DNAH7: variants seen among roughly 807,000 people sequenced by gnomAD.
The protein encoded by DNAH7 is axonemal beta dynein heavy chain 7.
Under a neutral mutation model 444.6 loss-of-function variants are expected in DNAH7, and 397 were observed. The observed-to-expected ratio is 0.89, with a 90% confidence interval of 0.82 to 0.97. The LOEUF (loss-of-function observed/expected upper bound fraction) is 0.97, where lower values mean the gene tolerates loss of function less well. Among genes scored for constraint, DNAH7 ranks in the 50% least tolerant of loss-of-function variants. The probability of loss-of-function intolerance (pLI) is 0.00; values close to 1 mark genes in which losing one functional copy is unlikely to be tolerated. For missense variants in DNAH7, 4,902 were observed against 4,800.8 expected (o/e 1.02, Z -0.62); for synonymous variants, 1,636 against 1,624.4 (o/e 1.01, Z -0.17).
intron 64 of DNAH7, among the ~76,000 whole-genome samples, chr2:195,739,822 G>A (rs556195494): frequency 2.6e-5 from 4 of 152,290 alleles, no homozygotes; most frequent in East Asian, 1.9e-4. Context: ...TTCCCAGCTC[G>A]GGTTGAACCA....
chr2:195,879,254 T>C (rs1300564015), intron 36 of DNAH7, among the ~76,000 whole-genome samples: 2 of 152,100 alleles, frequency 1.3e-5, no homozygotes, highest in Non-Finnish European at 2.9e-5. Flanking sequence ...TGAGTCTAAA[T>C]GATCAGAAAT....
At chr2:195,974,136 C>A (rs1269253521) in intron 15 of DNAH7, among the ~76,000 whole-genome samples, 1 of 152,000 alleles carries the variant, frequency 6.6e-6, no homozygotes, top group Non-Finnish European at 1.5e-5. Context: ...ATAATGAAGA[C>A]CTAACAATGT....
In DNAH7 at chr2:195,816,767, T is replaced by C; in HGVS notation, c.9622A>G (p.Ile3208Val). 6.2e-7 allele frequency: 1 copy of C among 1,614,192 alleles called. No individual in the cohort carries two copies. The highest frequency in any genetic ancestry group is 8.5e-7 in the Non-Finnish European group (1 of 1,180,010). The change falls in exon 51 of 65, where the codon ATC (isoleucine) becomes GTC (valine). Residue 3208 changes from isoleucine to valine, a missense_variant. Physicochemically the swap from Ile to Val is conservative, Grantham distance 29. Coordinates refer to ENST00000312428, the MANE Select transcript of DNAH7 (RefSeq NM_018897.3). ...GAAAAAAATAGGATGGAAGAATGGA[T>C]GGCAATAGGACGATAGCCCATGCGG... ...TTRMGYRPIA[I>V]HSSILFFSLA...
chr2:195,875,948 T>A, intron 37 of DNAH7, 105 bp from the exon 38 acceptor site: 1 of 1,053,922 alleles, frequency 9.5e-7, no homozygotes, highest in Non-Finnish European at 1.3e-6. Flanking sequence ...ATTTGCAGAG[T>A]ACATATGAGG....
At chr2:195,766,813 T>C (rs1330901259) in intron 61 of DNAH7, among the ~76,000 whole-genome samples, 4 of 152,162 alleles carry the variant, frequency 2.6e-5, no homozygotes, top group African/African-American at 9.7e-5. Context: ...AATATATACA[T>C]CTACTATATA....
In DNAH7 at chr2:196,000,723, G is replaced by A; in HGVS notation, c.1334C>T (p.Thr445Ile). 4.4e-6 allele frequency: 7 copies of A among 1,574,266 alleles called. No individual in the cohort carries two copies. The highest frequency in any genetic ancestry group is 6.0e-6 in the Non-Finnish European group (7 of 1,160,814). ...KAVSFVPRVETKLYSKWESKS... is the reference protein window; with the variant it reads ...KAVSFVPRVEIKLYSKWESKS... ...ACTTACCCACTTGGAATACAATTTT[G>A]TCTCAACTCTTGGCACAAAACTGAC... The change falls in exon 12 of 65, where the codon ACA becomes ATA. Residue 445 changes from threonine (T) to isoleucine (I), a missense_variant. Thr to Ile is a moderately conservative substitution (Grantham distance 89). Coordinates refer to ENST00000312428, the MANE Select transcript of DNAH7 (RefSeq NM_018897.3).
chr2:195,886,222 T>C lies in DNAH7; in HGVS notation c.5457A>G (p.Leu1819=), dbSNP rs763355791. 5.0e-6 allele frequency: 8 copies of C among 1,613,778 alleles called. No individual in the cohort carries two copies. In the South Asian group the frequency reaches 6.6e-5, roughly 13 times the overall value. The change falls in exon 34 of 65, where the codon CTA becomes CTG. Residue 1819 remains leucine, a synonymous_variant. Transcript: ENST00000312428. ...DTNLVRSLMN[L]IDCFMDDFAD... ...CAAAATCATCCATAAAACAGTCTAT[T>C]AGATTCATTAAGGACCGGACCAAGT...
chr2:195,974,065 A>C (rs911395843), intron 15 of DNAH7, among the ~76,000 whole-genome samples: 2 of 152,100 alleles, frequency 1.3e-5, no homozygotes, highest in African/African-American at 4.8e-5. Flanking sequence ...TGACAGAATG[A>C]GACTCCATTT....
intron 19 of DNAH7, among the ~76,000 whole-genome samples, chr2:195,956,121 C>T (rs1366218050): frequency 6.6e-6 from 1 of 152,070 alleles, no homozygotes; most frequent in East Asian, 1.9e-4. Flanking sequence ...GACGTCAATA[C>T]AGTATTATCA....
chr2:195,797,747 C>T (rs1006521085), intron 55 of DNAH7, among the ~76,000 whole-genome samples: 2 of 152,198 alleles, frequency 1.3e-5, no homozygotes, highest in African/African-American at 2.4e-5. Context: ...CTAGGATGAA[C>T]TTTATAAATT....
At chr2:195,830,346 T>G (rs967411933) in intron 48 of DNAH7, among the ~76,000 whole-genome samples, 6 of 152,226 alleles carry the variant, frequency 3.9e-5, no homozygotes, top group African/African-American at 9.6e-5. Context: ...GAATTAAATG[T>G]TCTTTTCAAA....
At chr2:195,837,362 G>C (rs80120628) in intron 47 of DNAH7, among the ~76,000 whole-genome samples, 1,745 of 152,276 alleles carry the variant, frequency 0.011, 34 homozygotes, top group African/African-American at 0.04. Flanking sequence ...GCTTTTTACA[G>C]CCTATCTCTT....
rs190358814 is a variant in DNAH7, at chr2:195,973,274, A to C, written c.1834-808T>G. On this transcript the variant is annotated intron_variant, in intron 15 of 64. Transcript: ENST00000312428. ...CTTCGTTAGTTCCAGTCCCCCTGGT[A>C]CCAATACTTCTGGACTACCATTCAA... is the stretch of plus-strand genomic sequence containing the variant. 3.9e-5 allele frequency among the ~76,000 whole-genome samples: 6 copies of C among 152,244 alleles called. No homozygotes were observed. In the East Asian group the frequency reaches 7.7e-4, roughly 20 times the overall value.
chr2:195,827,084 T>C (rs1208281461), intron 48 of DNAH7, among the ~76,000 whole-genome samples: 1 of 152,180 alleles, frequency 6.6e-6, no homozygotes, highest in Non-Finnish European at 1.5e-5. Context: ...CAACAGAGGT[T>C]AGAAAATACA....
At chr2:196,050,416 T>C (rs561859768) in intron 3 of DNAH7, among the ~76,000 whole-genome samples, 59 of 152,162 alleles carry the variant, frequency 3.9e-4, no homozygotes, top group African/African-American at 1.3e-3. Context: ...TGGAGATGAG[T>C]GGTAGTAATA....
chr2:196,017,293 G>A (rs183143912), intron 9 of DNAH7, among the ~76,000 whole-genome samples: 19 of 152,262 alleles, frequency 1.2e-4, no homozygotes, highest in Middle Eastern at 6.8e-3. Flanking sequence ...AAGTACGGGC[G>A]TGAGCCACAA....
chr2:195,911,342 T>A (rs1057048727), intron 24 of DNAH7, among the ~76,000 whole-genome samples: 24 of 152,140 alleles, frequency 1.6e-4, no homozygotes, highest in Non-Finnish European at 1.5e-5. Context: ...ACAAGTTAAA[T>A]AGCAGAATAA....
At chr2:195,872,198 T>C (rs957587222) in intron 40 of DNAH7, 52 bp downstream of exon 40, 4 of 1,372,604 alleles carry the variant, frequency 2.9e-6, no homozygotes, top group South Asian at 2.5e-5. Context: ...GTTGTTGGCA[T>C]GGCAAATCTT....
At position 195,776,442 on chromosome 2, in the gene DNAH7, T is replaced by C. The variant is rs1369482334; in HGVS notation, c.11065-459A>G. Reference sequence around the variant, plus strand: ...TGGGCGAGAAGAGTGAAACTCCATCTCAAAAAAAAAGAAAAGAGGAAAAAA... The same window carrying C: ...TGGGCGAGAAGAGTGAAACTCCATCCCAAAAAAAAAGAAAAGAGGAAAAAA... On this transcript the variant is annotated intron_variant, in intron 59 of 64. Transcript: ENST00000312428. Among the ~76,000 whole-genome samples, 86 of 143,360 alleles carry C rather than the reference T, an allele frequency of 6.0e-4. 3 individuals are homozygous for C. In the Admixed American group the frequency reaches 6.1e-3, roughly 10 times the overall value. The allele number at this position is 143,360 out of a possible 152,430, so 94.0% of individuals were successfully genotyped here. A position where few individuals can be genotyped will look rare whatever the true frequency, so the allele number is the denominator to read the frequency against.
Sources: allele counts gnomAD v4.1 joint callset (sites outside exome capture counted in the v4.1 genomes callset), GRCh38; gene constraint gnomAD v4.1.1; transcripts MANE v1.5; gene names NCBI Gene and HGNC (gene_info 2026-07-23, HGNC 2026-07-21).